The following FGF14 variants were observed in gnomAD, a reference collection of about 807,000 sequenced individuals.
The protein encoded by FGF14 is fibroblast growth factor homologous factor 4.
A neutral mutation model predicts 25.5 loss-of-function variants in FGF14; 5 were observed. The observed-to-expected ratio is 0.20, with a 90% CI of 0.10 to 0.41. FGF14 has a LOEUF of 0.41. Ranked by LOEUF, FGF14 falls within the 10% of genes least tolerant of loss-of-function variation. The probability of loss-of-function intolerance (pLI) is 1.00; values close to 1 mark genes in which losing one functional copy is unlikely to be tolerated. For missense variants in FGF14, 222 were observed against 320.1 expected, an observed-to-expected ratio of 0.69 and a Z score of 2.34; for synonymous variants, 138 against 118.3, an observed-to-expected ratio of 1.17 and a Z score of -1.08.
chr13:102,091,069 A>C (rs1015055197), intron 1 of FGF14, among the ~76,000 whole-genome samples: 2 of 152,244 alleles, frequency 1.3e-5, no homozygotes, highest in African/African-American at 4.8e-5. Context: ...TAGTGACATA[A>C]AAGACAATAG....
At chr13:102,307,334 C>T (rs1197245923) in intron 1 of FGF14, among the ~76,000 whole-genome samples, 1 of 152,182 alleles carries the variant, frequency 6.6e-6, no homozygotes, top group African/African-American at 2.4e-5. Context: ...CAGGAGACTT[C>T]TGACCTGCAG....
intron 1 of FGF14, among the ~76,000 whole-genome samples, chr13:102,326,854 G>A (rs1594860666): frequency 6.6e-6 from 1 of 152,214 alleles, no homozygotes; most frequent in Non-Finnish European, 1.5e-5. Context: ...GACTAAAAAA[G>A]AGGGATCATG....
intron 1 of FGF14, among the ~76,000 whole-genome samples, chr13:101,913,108 A>G (rs888092890): frequency 6.6e-6 from 1 of 152,246 alleles, no homozygotes. Context: ...ATTTTCTCTC[A>G]GCTTTTCAAA....
chr13:101,910,910 T>G (rs887277585), intron 1 of FGF14, among the ~76,000 whole-genome samples: 1 of 149,364 alleles, frequency 6.7e-6, no homozygotes, highest in Non-Finnish European at 1.5e-5. Context: ...TGTTGGGTGC[T>G]AAAACAATAT....
intron 1 of FGF14, among the ~76,000 whole-genome samples, chr13:102,143,351 ATG>A (rs924131678): frequency 5.3e-5 from 8 of 152,130 alleles, no homozygotes; most frequent in African/African-American, 9.7e-5. Context: ...TTAAAAAAAA[ATG>A]TGTGTGTGTT....
At chr13:102,126,664 A>T (rs1162910676) in intron 1 of FGF14, among the ~76,000 whole-genome samples, 1 of 152,224 alleles carries the variant, frequency 6.6e-6, no homozygotes, top group Non-Finnish European at 1.5e-5. Flanking sequence ...ATTTGCAACC[A>T]TACTTCAATT....
intron 1 of FGF14, among the ~76,000 whole-genome samples, chr13:102,084,725 C>T (rs1222941514): frequency 6.6e-6 from 1 of 152,144 alleles, no homozygotes; most frequent in Non-Finnish European, 1.5e-5. Context: ...AGATGTATTT[C>T]CAGATAACTT....
At chr13:101,769,044 G>A (rs565561969) in intron 3 of FGF14, among the ~76,000 whole-genome samples, 2 of 152,118 alleles carry the variant, frequency 1.3e-5, no homozygotes, top group Non-Finnish European at 2.9e-5. Context: ...AGACTGGGAG[G>A]AAGGTTTTTT....
intron 3 of FGF14, among the ~76,000 whole-genome samples, chr13:101,760,541 T>C (rs567678841): frequency 2.6e-5 from 4 of 152,312 alleles, no homozygotes; most frequent in African/African-American, 9.6e-5. Context: ...GAACTGTTCA[T>C]GCTGTTCCCT....
chr13:101,733,469 C>T (rs577489238), intron 3 of FGF14, among the ~76,000 whole-genome samples: 2 of 151,904 alleles, frequency 1.3e-5, no homozygotes, highest in Non-Finnish European at 2.9e-5. Flanking sequence ...GTGGCACATG[C>T]CTGTAGTCCC....
chr13:101,910,004 A>T (rs759106141), intron 1 of FGF14, among the ~76,000 whole-genome samples: 7 of 152,040 alleles, frequency 4.6e-5, no homozygotes, highest in African/African-American at 9.7e-5. Flanking sequence ...AAAAAAACCA[A>T]ACACCGCACG....
chr13:102,103,885 A>G (rs1186161527), intron 1 of FGF14, among the ~76,000 whole-genome samples: 2 of 152,254 alleles, frequency 1.3e-5, no homozygotes, highest in East Asian at 3.9e-4. Context: ...ACCTGGGGAC[A>G]TTGGCCATGG....
Position 102,340,197 on chromosome 13 carries a change from A to G in FGF14, c.208+61274T>C, listed in dbSNP as rs1266668921. 6.6e-5 allele frequency among the ~76,000 whole-genome samples: 10 copies of G among 152,334 alleles called. No individual in the cohort carries two copies. The East Asian group carries it at 1.7e-3, about 26-fold the overall frequency. On this transcript the variant is annotated intron_variant, in intron 1 of 4. Coordinates refer to the FGF14 transcript ENST00000376131. ...AGTGCCCAGCCCTGAATTTCTTTCC[A>G]GTTGCAATGTTTTCAGATTCAAATT...
At chr13:101,835,562 G>A (rs1329170613) in intron 3 of FGF14, among the ~76,000 whole-genome samples, 6 of 152,056 alleles carry the variant, frequency 3.9e-5, no homozygotes, top group Non-Finnish European at 8.8e-5. Flanking sequence ...AGCTGTAGCC[G>A]AATATCAAGG....
At chr13:101,733,720 C>A (rs35412097) in intron 3 of FGF14, among the ~76,000 whole-genome samples, 4,071 of 151,526 alleles carry the variant, frequency 0.027, 73 homozygotes, top group East Asian at 0.087. Flanking sequence ...TTTATAGGGC[C>A]AAATTCTGTT....
intron 1 of FGF14, among the ~76,000 whole-genome samples, chr13:101,935,514 TAGTC>T (rs1160375799): frequency 2.0e-5 from 3 of 152,322 alleles, no homozygotes; most frequent in South Asian, 2.1e-4. Context: ...GTTCTCATGA[TAGTC>T]AGTGAGTTCA....
At position 101,895,337 on chromosome 13, in the gene FGF14, A is replaced by C. The variant is rs1179271616; in HGVS notation, c.194-20041T>G. On this transcript the variant is annotated intron_variant, in intron 1 of 4. Transcript: ENST00000376143. Reference sequence around the variant, plus strand: ...TTCTTACAAATGCCTTTAGTCCTTTATAAGTATAAAGTAAGGATGTCAATT... The same window carrying C: ...TTCTTACAAATGCCTTTAGTCCTTTCTAAGTATAAAGTAAGGATGTCAATT... Among the ~76,000 whole-genome samples the C allele has an allele frequency of 3.3e-5, 5 of 152,274 alleles. No homozygotes were observed. The East Asian group carries it at 9.7e-4, about 29-fold the overall frequency.
intron 1 of FGF14, among the ~76,000 whole-genome samples, chr13:101,958,294 T>C (rs912357096): frequency 2.0e-5 from 3 of 152,256 alleles, no homozygotes; most frequent in South Asian, 2.1e-4. Flanking sequence ...TGACCCATGA[T>C]TGGCAGCTTC....
chr13:102,007,755 C>G (rs1158756611), intron 1 of FGF14, among the ~76,000 whole-genome samples: 1 of 152,192 alleles, frequency 6.6e-6, no homozygotes, highest in Non-Finnish European at 1.5e-5. Flanking sequence ...GGGTTATTAA[C>G]TTTTCACTCT....
Sources: allele counts gnomAD v4.1 joint callset (sites outside exome capture counted in the v4.1 genomes callset), GRCh38; gene constraint gnomAD v4.1.1; transcripts MANE v1.5; gene names NCBI Gene and HGNC (gene_info 2026-07-23, HGNC 2026-07-21).